Variants in EYS observed in about 807,000 individuals in gnomAD.
The protein encoded by EYS is EGF-like photoreceptor maintenance factor.
A neutral mutation model predicts 282.1 loss-of-function variants in EYS; 250 were observed. The ratio of observed to expected loss-of-function variants is 0.89; its 90% CI spans 0.80 to 0.98. The LOEUF is 0.98. Among genes scored for constraint, EYS ranks in the 50% least tolerant of loss-of-function variants. The pLI is 0.00. For missense variants in EYS, 4,016 were observed against 3,709.0 expected (o/e 1.08, Z -2.15); for synonymous variants, 1,355 against 1,282.9 (o/e 1.06, Z -1.20).
At position 64,521,159 on chromosome 6, in the gene EYS, G is replaced by A. The variant is rs903193856; in HGVS notation, c.5644+69064C>T. On this transcript the variant is annotated intron_variant, in intron 26 of 42. Coordinates refer to ENST00000503581, the MANE Select transcript of EYS (RefSeq NM_001142800.2). ...CAGCCTGTGACTGACTTAAAGCTAA[G>A]TTGCTATGGTTGGCCTAGACTTTGT... 3.3e-5 allele frequency among the ~76,000 whole-genome samples: 5 copies of A among 151,750 alleles called. No individual in the cohort carries two copies. The East Asian group carries it at 9.7e-4, about 29-fold the overall frequency.
At chr6:65,350,998 T>G (rs563504394) in intron 9 of EYS, among the ~76,000 whole-genome samples, 3 of 151,722 alleles carry the variant, frequency 2.0e-5, no homozygotes, top group Admixed American at 6.6e-5. Context: ...TTATATTTCG[T>G]GAGGAAGAAG....
At chr6:64,898,810 T>C (rs1175573049) in intron 18 of EYS, among the ~76,000 whole-genome samples, 2 of 151,388 alleles carry the variant, frequency 1.3e-5, no homozygotes, top group Admixed American at 6.6e-5. Context: ...GTTACAATCC[T>C]AGTCTCTGAC....
At chr6:63,793,135 G>C (rs1269959309) in intron 37 of EYS, among the ~76,000 whole-genome samples, 1 of 152,194 alleles carries the variant, frequency 6.6e-6, no homozygotes, top group Non-Finnish European at 1.5e-5. Flanking sequence ...AGGAAGAAGG[G>C]AGTGGTGGTC....
At chr6:65,221,134 T>C (rs953068552) in intron 12 of EYS, among the ~76,000 whole-genome samples, 1 of 152,216 alleles carries the variant, frequency 6.6e-6, no homozygotes, top group Non-Finnish European at 1.5e-5. Flanking sequence ...TAAAAGTTCA[T>C]AAACTTTGCA....
chr6:64,106,818 C>A (rs1773029104), intron 31 of EYS, among the ~76,000 whole-genome samples: 1 of 151,748 alleles, frequency 6.6e-6, no homozygotes, highest in Non-Finnish European at 1.5e-5. Context: ...ATGTGTTATA[C>A]CTTTTGTAGT....
At chr6:64,644,177 T>C (rs920969691) in intron 22 of EYS, among the ~76,000 whole-genome samples, 1 of 152,198 alleles carries the variant, frequency 6.6e-6, no homozygotes, top group Non-Finnish European at 1.5e-5. Flanking sequence ...AGTCATTATA[T>C]ACAAGGGAGC....
At chr6:65,199,115 A>G (rs1765838921) in intron 12 of EYS, among the ~76,000 whole-genome samples, 1 of 152,058 alleles carries the variant, frequency 6.6e-6, no homozygotes, top group South Asian at 2.1e-4. Flanking sequence ...GATTTAGTTT[A>G]AAGGAGCATC....
At chr6:65,650,269 G>C (rs181021779) in intron 1 of EYS, among the ~76,000 whole-genome samples, 1 of 152,176 alleles carries the variant, frequency 6.6e-6, no homozygotes, top group Admixed American at 6.5e-5. Context: ...GGCTGAATAA[G>C]AACTCAAACA....
At chr6:64,900,534 GA>G (rs1767621105) in intron 18 of EYS, among the ~76,000 whole-genome samples, 2 of 151,714 alleles carry the variant, frequency 1.3e-5, no homozygotes, top group Non-Finnish European at 1.5e-5. Flanking sequence ...AAATTTACAA[GA>G]AAAAAACAAA....
chr6:65,621,086 G>A (rs886478252), intron 2 of EYS, among the ~76,000 whole-genome samples: 1 of 152,164 alleles, frequency 6.6e-6, no homozygotes, highest in African/African-American at 2.4e-5. Flanking sequence ...GTGCAGAGCT[G>A]AGTTCAATTC....
chr6:65,576,571 C>T (rs1374563085), intron 2 of EYS, among the ~76,000 whole-genome samples: 1 of 151,810 alleles, frequency 6.6e-6, no homozygotes, highest in Non-Finnish European at 1.5e-5. Context: ...GTTGGATGTC[C>T]TAACCAGAGA....
intron 35 of EYS, among the ~76,000 whole-genome samples, chr6:63,923,856 G>T (rs1210542341): frequency 1.3e-5 from 2 of 152,186 alleles, no homozygotes; most frequent in African/African-American, 4.8e-5. Context: ...GCATTAATTT[G>T]CTTAGAATAA....
intron 19 of EYS, among the ~76,000 whole-genome samples, chr6:64,825,429 A>C (rs1357647042): frequency 6.6e-6 from 1 of 151,900 alleles, no homozygotes; most frequent in African/African-American, 2.4e-5. Context: ...TTCAAACTGC[A>C]TACATTCAAA....
At chr6:64,400,006 T>C (rs1447560127) in intron 28 of EYS, among the ~76,000 whole-genome samples, 1 of 151,862 alleles carries the variant, frequency 6.6e-6, no homozygotes, top group African/African-American at 2.4e-5. Flanking sequence ...CCTTTGACTA[T>C]CAACTCTAAG....
intron 22 of EYS, among the ~76,000 whole-genome samples, chr6:64,662,439 C>T (rs1769071137): frequency 6.6e-6 from 1 of 151,942 alleles, no homozygotes; most frequent in Admixed American, 6.6e-5. Context: ...GACTTTTGTC[C>T]AGTAGAGATG....
intron 8 of EYS, among the ~76,000 whole-genome samples, chr6:65,377,110 C>T (rs958929725): frequency 1.4e-4 from 21 of 152,090 alleles, no homozygotes; most frequent in Non-Finnish European, 2.9e-4. Flanking sequence ...CTAAAATCAA[C>T]CACATAATTG....
At chr6:65,623,842 T>C (rs1413451693) in intron 2 of EYS, among the ~76,000 whole-genome samples, 4 of 152,224 alleles carry the variant, frequency 2.6e-5, no homozygotes, top group African/African-American at 9.6e-5. Flanking sequence ...ACAATTGGTA[T>C]TTTCTCTGTC....
intron 33 of EYS, among the ~76,000 whole-genome samples, chr6:64,035,383 C>A (rs1461951172): frequency 6.6e-6 from 1 of 152,048 alleles, no homozygotes; most frequent in African/African-American, 2.4e-5. Context: ...GCAGTTATAG[C>A]CTTAAAAATC....
At chr6:64,059,001 GAC>G (rs747461855) in intron 33 of EYS, among the ~76,000 whole-genome samples, 7 of 152,112 alleles carry the variant, frequency 4.6e-5, no homozygotes, top group Non-Finnish European at 8.8e-5. Context: ...CATTAGAAAT[GAC>G]AGTGTTTGAT....
Sources: allele counts gnomAD v4.1 joint callset (sites outside exome capture counted in the v4.1 genomes callset), GRCh38; gene constraint gnomAD v4.1.1; transcripts MANE v1.5; gene names NCBI Gene and HGNC (gene_info 2026-07-23, HGNC 2026-07-21).